Variants in FBN1 observed in about 807,000 individuals in gnomAD.
FBN1 encodes the protein fibrillin 1, also known as fibrillin-1.
Under a neutral mutation model 365.1 loss-of-function variants are expected in FBN1, and 29 were observed. The ratio of observed to expected loss-of-function variants is 0.08; its 90% confidence interval spans 0.06 to 0.11. The LOEUF is 0.11. FBN1 is among the 10% of genes least tolerant of loss of function. The probability of loss-of-function intolerance (pLI) is 1.00; values close to 1 mark genes in which losing one functional copy is unlikely to be tolerated. For missense variants in FBN1, 2,476 were observed against 3,703.2 expected (o/e 0.67, Z 8.60); for synonymous variants, 1,210 against 1,270.5 (o/e 0.95, Z 1.01).
At chr15:48,525,999 C>G in intron 9 of FBN1, 131 bp downstream of exon 9, 1 of 1,262,644 alleles carries the variant, frequency 7.9e-7, no homozygotes, top group South Asian at 1.2e-5. Flanking sequence ...AACTGTTTAA[C>G]ATTTTTCCAA....
chr15:48,481,774 T>C lies in FBN1; in HGVS notation c.3845A>G (p.Asn1282Ser), dbSNP rs140647. 51 of 1,613,276 alleles carry C rather than the reference T, an allele frequency of 3.2e-5. 1 individual carries two copies. Among genetic ancestry groups the C allele is most frequent in the Middle Eastern group, 1.7e-4 (1 of 6,058 alleles). The change falls in exon 32 of 66, where the codon AAT (asparagine) becomes AGT (serine). Residue 1282 changes from asparagine to serine, a missense_variant. Coordinates refer to ENST00000316623, the MANE Select transcript of FBN1 (RefSeq NM_000138.5). ...SEDMKTCVDVNECDLNPNICL... is the reference protein window; with the variant it reads ...SEDMKTCVDVSECDLNPNICL... The stretch of plus-strand genomic sequence containing the variant: ...GATATTTGGATTCAGGTCACACTCA[T>C]TGACATCTGTAAAACATATATACTA...
At chr15:48,439,510 G>A (rs145725786) in intron 50 of FBN1, among the ~76,000 whole-genome samples, 99 of 152,230 alleles carry the variant, frequency 6.5e-4, no homozygotes, top group African/African-American at 2.3e-3. Context: ...ATAATGTTTT[G>A]TATTTATCAG....
At chr15:48,554,756 C>A (rs922146400) in intron 6 of FBN1, among the ~76,000 whole-genome samples, 3 of 152,176 alleles carry the variant, frequency 2.0e-5, no homozygotes, top group Admixed American at 6.5e-5. Flanking sequence ...CACACATACA[C>A]ATTATATCTG....
At chr15:48,425,660 G>C (rs2042973431) in intron 59 of FBN1, 79 bp downstream of exon 59, 1 of 1,572,164 alleles carries the variant, frequency 6.4e-7, no homozygotes, top group Admixed American at 1.7e-5. Context: ...AGACTTTTTA[G>C]ATTTTTAGCT....
intron 7 of FBN1, among the ~76,000 whole-genome samples, chr15:48,537,333 C>T (rs921578572): frequency 9.9e-5 from 15 of 152,172 alleles, no homozygotes; most frequent in African/African-American, 3.4e-4. Context: ...TGCACTGCAT[C>T]GCTGTAAACA....
intron 25 of FBN1, among the ~76,000 whole-genome samples, chr15:48,489,029 C>T (rs951080461): frequency 6.6e-6 from 1 of 151,376 alleles, no homozygotes; most frequent in African/African-American, 2.4e-5. Flanking sequence ...AATGTATATA[C>T]CTTAAGATGT....
chr15:48,524,428 CA>C (rs2043890529), intron 9 of FBN1, among the ~76,000 whole-genome samples: 1 of 152,156 alleles, frequency 6.6e-6, no homozygotes, highest in African/African-American at 2.4e-5. Flanking sequence ...TTTATACTGT[CA>C]GGGGCTATTT....
chr15:48,474,797 A>G, intron 32 of FBN1, 147 bp from the exon 33 acceptor site: 1 of 849,844 alleles, frequency 1.2e-6, no homozygotes, highest in Non-Finnish European at 1.9e-6. Flanking sequence ...AACTCTACAT[A>G]TATCAAACAG....
At chr15:48,433,043 C>A in intron 54 of FBN1, 55 bp from the exon 55 acceptor site, 1 of 1,600,890 alleles carries the variant, frequency 6.2e-7, no homozygotes, top group East Asian at 2.2e-5. Flanking sequence ...CAAAAGGGAA[C>A]CTACCAATTG....
chr15:48,465,943 A>C, intron 38 of FBN1, 85 bp from the exon 39 acceptor site: 1 of 909,024 alleles, frequency 1.1e-6, no homozygotes, highest in Non-Finnish European at 1.8e-6. Context: ...TCACATATCC[A>C]ACTGAAAATG....
chr15:48,498,770 C>T (rs564571277), intron 18 of FBN1, among the ~76,000 whole-genome samples: 20 of 152,220 alleles, frequency 1.3e-4, no homozygotes, highest in African/African-American at 4.6e-4. Context: ...CCTCAGTGGC[C>T]AAGTCCCACA....
intron 6 of FBN1, among the ~76,000 whole-genome samples, chr15:48,558,944 A>G (rs894985707): frequency 1.3e-5 from 2 of 152,176 alleles, no homozygotes; most frequent in African/African-American, 4.8e-5. Context: ...ATTTCCCACA[A>G]AGAAAGCTGT....
At chr15:48,462,661 A>C (rs902079536) in intron 42 of FBN1, among the ~76,000 whole-genome samples, 23 of 152,128 alleles carry the variant, frequency 1.5e-4, no homozygotes, top group Admixed American at 1.3e-4. Flanking sequence ...TTTCTTGTTT[A>C]ACATTTACAT....
At chr15:48,596,904 T>C (rs2044520560) in intron 5 of FBN1, among the ~76,000 whole-genome samples, 1 of 152,214 alleles carries the variant, frequency 6.6e-6, no homozygotes, top group Admixed American at 6.5e-5. Flanking sequence ...CGGAAACTAT[T>C]GGTGCAGTAA....
chr15:48,525,983 G>T, intron 9 of FBN1, 147 bp downstream of exon 9: 1 of 1,010,632 alleles, frequency 9.9e-7, no homozygotes, highest in Non-Finnish European at 1.5e-6. Flanking sequence ...CTTTAAGAGG[G>T]CAGTCAACTG....
chr15:48,503,735 C>T (rs2043682978), intron 17 of FBN1, 52 bp downstream of exon 17: 1 of 1,610,568 alleles, frequency 6.2e-7, no homozygotes, highest in African/African-American at 1.3e-5. Context: ...GCAAAGACCT[C>T]AATGGTGGCA....
At chr15:48,615,526 G>A (rs1207215081) in intron 2 of FBN1, among the ~76,000 whole-genome samples, 1 of 151,884 alleles carries the variant, frequency 6.6e-6, no homozygotes, top group Non-Finnish European at 1.5e-5. Flanking sequence ...CCAAAACATG[G>A]AAGATTTTAC....
intron 6 of FBN1, among the ~76,000 whole-genome samples, chr15:48,544,905 A>G (rs1387916378): frequency 2.0e-5 from 3 of 152,212 alleles, no homozygotes; most frequent in African/African-American, 7.2e-5. Context: ...TTTGGGTGAC[A>G]TATTTACCAT....
chr15:48,481,050 T>C (rs943019872), intron 32 of FBN1, among the ~76,000 whole-genome samples: 2 of 152,194 alleles, frequency 1.3e-5, no homozygotes, highest in African/African-American at 4.8e-5. Flanking sequence ...CCTACAAATA[T>C]TGTGAAAACA....
Sources: allele counts gnomAD v4.1 joint callset (sites outside exome capture counted in the v4.1 genomes callset), GRCh38; gene constraint gnomAD v4.1.1; transcripts MANE v1.5; gene names NCBI Gene and HGNC (gene_info 2026-07-23, HGNC 2026-07-21).